STXBP5L: variants seen among roughly 807,000 people sequenced by gnomAD.
STXBP5L encodes the protein syntaxin-binding protein 5-like.
STXBP5L carries 65 observed loss-of-function variants against 144.5 expected under a neutral mutation model. The observed-to-expected ratio is 0.45, with a 90% CI of 0.37 to 0.55. The LOEUF (loss-of-function observed/expected upper bound fraction) is 0.55. STXBP5L is among the 20% of genes least tolerant of loss of function. The pLI, the probability that STXBP5L is intolerant of heterozygous loss-of-function variation, is 0.00. For synonymous variants in STXBP5L, 505 were observed against 469.6 expected (o/e 1.08, Z -0.97); for missense variants, 1,298 against 1,405.5 (o/e 0.92, Z 1.22).
At chr3:120,978,733 C>A (rs9836161) in intron 3 of STXBP5L, among the ~76,000 whole-genome samples, 2 of 152,052 alleles carry the variant, frequency 1.3e-5, no homozygotes, top group African/African-American at 2.4e-5. Context: ...GTGTGTATAT[C>A]CTTTCTGTTT....
chr3:121,090,642 C>G (rs1182860855), intron 5 of STXBP5L, among the ~76,000 whole-genome samples: 2 of 151,984 alleles, frequency 1.3e-5, no homozygotes, highest in African/African-American at 2.4e-5. Context: ...TCTGAATTGT[C>G]TAAAAATTTT....
intron 9 of STXBP5L, among the ~76,000 whole-genome samples, chr3:121,169,076 A>G (rs1034213871): frequency 3.9e-5 from 6 of 152,238 alleles, no homozygotes; most frequent in Non-Finnish European, 7.3e-5. Context: ...AGAATTTCAT[A>G]TCCAGCCAAA....
At chr3:120,913,960 T>C (rs1295198823) in intron 2 of STXBP5L, among the ~76,000 whole-genome samples, 2 of 152,036 alleles carry the variant, frequency 1.3e-5, no homozygotes, top group African/African-American at 4.8e-5. Context: ...TTGGAGTTGC[T>C]TTTATGAAAT....
intron 22 of STXBP5L, among the ~76,000 whole-genome samples, chr3:121,398,310 G>A (rs1462256051): frequency 6.6e-6 from 1 of 152,186 alleles, no homozygotes; most frequent in Non-Finnish European, 1.5e-5. Flanking sequence ...GACCTTTTGT[G>A]GGGGTTCCCC....
chr3:120,978,701 G>T (rs959391491), intron 3 of STXBP5L, among the ~76,000 whole-genome samples: 1 of 152,124 alleles, frequency 6.6e-6, no homozygotes, highest in Admixed American at 6.6e-5. Flanking sequence ...CTTTGATGAT[G>T]GTGATGTACA....
At chr3:121,026,330 T>G (rs1945943083) in intron 3 of STXBP5L, among the ~76,000 whole-genome samples, 1 of 152,032 alleles carries the variant, frequency 6.6e-6, no homozygotes, top group Admixed American at 6.6e-5. Context: ...GCCTGAGCTT[T>G]AAAGTCACCT....
At chr3:120,911,604 A>G (rs1324492201) in intron 2 of STXBP5L, among the ~76,000 whole-genome samples, 2 of 152,028 alleles carry the variant, frequency 1.3e-5, no homozygotes, top group Non-Finnish European at 2.9e-5. Flanking sequence ...ATATATACGA[A>G]TATTATTGTT....
At chr3:120,981,691 A>G (rs756521838) in intron 3 of STXBP5L, among the ~76,000 whole-genome samples, 1 of 152,212 alleles carries the variant, frequency 6.6e-6, no homozygotes, top group Non-Finnish European at 1.5e-5. Flanking sequence ...TTCATTTTGA[A>G]TAAGATCCAT....
intron 7 of STXBP5L, among the ~76,000 whole-genome samples, chr3:121,128,889 T>C (rs1380080967): frequency 6.6e-6 from 1 of 152,090 alleles, no homozygotes; most frequent in African/African-American, 2.4e-5. Context: ...AAAAAGGAGC[T>C]AGTTGTCACT....
intron 2 of STXBP5L, among the ~76,000 whole-genome samples, chr3:120,930,185 A>T (rs1709855698): frequency 6.7e-6 from 1 of 149,642 alleles, no homozygotes; most frequent in Non-Finnish European, 1.5e-5. Context: ...TTTTTATGAG[A>T]AAATAAACTT....
chr3:121,099,906 G>C (rs2043324787), intron 5 of STXBP5L: 1 of 152,146 alleles, frequency 6.6e-6, no homozygotes, highest in South Asian at 2.1e-4. Context: ...AAGGGTTGGA[G>C]AAATATCTGT....
chr3:120,951,704 T>G lies in STXBP5L; in HGVS notation c.190-3236T>G, dbSNP rs1488773137. Among the ~76,000 whole-genome samples, 1,095 of 151,708 alleles carry G rather than the reference T, an allele frequency of 7.2e-3. 14 individuals carry two copies. Among genetic ancestry groups the G allele is most frequent in the African/African-American group, 0.024 (999 of 41,452 alleles). ...AAATAGGAACACTTTTACACTGTTG[T>G]TGGGACTGTAAACTAGTTCAACCAT... On this transcript the variant is annotated intron_variant, in intron 2 of 26. Coordinates refer to ENST00000471454, the MANE Select transcript of STXBP5L (RefSeq NM_001308330.2).
rs561727795 is a variant in STXBP5L at position 121,209,253 on chromosome 3, G to C, written c.956+3252G>C. On this transcript the variant is annotated intron_variant, in intron 10 of 26. Coordinates refer to ENST00000471454, the MANE Select transcript of STXBP5L (RefSeq NM_001308330.2). ...ACATACATGTGCATGTGTCTTTATA[G>C]TAGAATGATTTATAATCCTTTGGAT... is the stretch of plus-strand genomic sequence containing the variant. 4.6e-5 allele frequency among the ~76,000 whole-genome samples: 7 copies of C among 152,158 alleles called. No homozygotes were observed. The South Asian group carries it at 1.0e-3, about 23-fold the overall frequency.
At chr3:121,242,316 C>T (rs926167640) in intron 14 of STXBP5L, among the ~76,000 whole-genome samples, 1 of 152,036 alleles carries the variant, frequency 6.6e-6, no homozygotes, top group Non-Finnish European at 1.5e-5. Flanking sequence ...TCTGATGTTA[C>T]TATAATCACA....
At chr3:121,173,971 G>A (rs529368238) in intron 9 of STXBP5L, among the ~76,000 whole-genome samples, 1 of 152,192 alleles carries the variant, frequency 6.6e-6, no homozygotes, top group South Asian at 2.1e-4. Flanking sequence ...GTAAGAACCG[G>A]AGGGATCACC....
At chr3:120,977,181 A>C (rs1034053940) in intron 3 of STXBP5L, among the ~76,000 whole-genome samples, 20 of 152,240 alleles carry the variant, frequency 1.3e-4, no homozygotes, top group African/African-American at 4.8e-4. Context: ...TGGGAGTCTA[A>C]GTCTCTTTGT....
At chr3:121,263,337 A>G (rs562051892) in intron 18 of STXBP5L, among the ~76,000 whole-genome samples, 3 of 152,306 alleles carry the variant, frequency 2.0e-5, no homozygotes, top group African/African-American at 7.2e-5. Flanking sequence ...CAAAGACCAA[A>G]AGTAGATGAA....
chr3:120,985,475 C>G (rs7619589), intron 3 of STXBP5L, among the ~76,000 whole-genome samples: 2,992 of 152,098 alleles, frequency 0.02, 99 homozygotes, highest in African/African-American at 0.069. Flanking sequence ...ATACAGTATA[C>G]TATTATCAAC....
chr3:120,938,279 GTT>G (rs1189397624), intron 2 of STXBP5L, among the ~76,000 whole-genome samples: 3 of 151,668 alleles, frequency 2.0e-5, no homozygotes, highest in Non-Finnish European at 4.4e-5. Flanking sequence ...TTTATATATG[GTT>G]AAGTGGTTCA....
Sources: allele counts gnomAD v4.1 joint callset (sites outside exome capture counted in the v4.1 genomes callset), GRCh38; gene constraint gnomAD v4.1.1; transcripts MANE v1.5; gene names NCBI Gene and HGNC (gene_info 2026-07-23, HGNC 2026-07-21).